The following SGCZ variants were observed in gnomAD, a reference collection of about 807,000 sequenced individuals.
SGCZ encodes the protein sarcoglycan zeta.
In SGCZ, 40 loss-of-function variants were observed where a neutral mutation model predicts 41.3. The ratio of observed to expected loss-of-function variants is 0.97; its 90% CI spans 0.75 to 1.26. The LOEUF (loss-of-function observed/expected upper bound fraction) is 1.26. Among genes scored for constraint, SGCZ ranks in the 50% most tolerant of loss-of-function variants. The pLI is 0.00. For synonymous variants in SGCZ, 206 were observed against 137.5 expected (o/e 1.50, Z -3.49); for missense variants, 552 against 369.8 (o/e 1.49, Z -4.04).
chr8:15,088,084 G>A (rs941413820), intron 1 of SGCZ, among the ~76,000 whole-genome samples: 1 of 152,056 alleles, frequency 6.6e-6, no homozygotes, highest in Non-Finnish European at 1.5e-5. Context: ...AATAGAAAAA[G>A]GATCTGAAAG....
chr8:14,767,041 T>C (rs1800058413), intron 1 of SGCZ, among the ~76,000 whole-genome samples: 1 of 148,314 alleles, frequency 6.7e-6, no homozygotes, highest in African/African-American at 2.4e-5. Context: ...GTCTACACAA[T>C]TATATAAATT....
At chr8:14,611,945 A>T (rs1276899765) in intron 1 of SGCZ, among the ~76,000 whole-genome samples, 3 of 152,208 alleles carry the variant, frequency 2.0e-5, no homozygotes, top group African/African-American at 7.2e-5. Context: ...TGATATGTAA[A>T]TATTATGTCT....
In SGCZ at chr8:14,775,682, A is replaced by C. The variant is rs147133146; in HGVS notation, c.40-220756T>G. 3.3e-3 allele frequency among the ~76,000 whole-genome samples: 498 copies of C among 152,362 alleles called. 7 individuals are homozygous for C. Among genetic ancestry groups the C allele is most frequent in the Middle Eastern group, 0.024 (7 of 294 alleles). On this transcript the variant is annotated intron_variant, in intron 1 of 7. Transcript: ENST00000382080. ...AGAGAAGTAAGTGTGGTTTGGATTT[A>C]ATTATATGCAAAATTTCAAGTGAAA... is the stretch of plus-strand genomic sequence containing the variant.
intron 1 of SGCZ, among the ~76,000 whole-genome samples, chr8:14,951,886 A>G (rs1173603678): frequency 6.6e-6 from 1 of 152,120 alleles, no homozygotes; most frequent in East Asian, 1.9e-4. Flanking sequence ...TAAAAAGGTA[A>G]CTATTTTATT....
At chr8:14,943,503 T>G (rs1438316149) in intron 1 of SGCZ, among the ~76,000 whole-genome samples, 1 of 152,172 alleles carries the variant, frequency 6.6e-6, no homozygotes, top group African/African-American at 2.4e-5. Flanking sequence ...GGAAGATAAC[T>G]AGGTGTCTCA....
At chr8:14,537,663 C>T (rs73531097) in intron 2 of SGCZ, among the ~76,000 whole-genome samples, 13,794 of 151,602 alleles carry the variant, frequency 0.091, 819 homozygotes, top group African/African-American at 0.16. Flanking sequence ...TATCTCTCAC[C>T]ATGACTTACT....
chr8:15,170,001 T>C (rs13258542), intron 1 of SGCZ, among the ~76,000 whole-genome samples: 1 of 152,226 alleles, frequency 6.6e-6, no homozygotes, highest in African/African-American at 2.4e-5. Context: ...TAAATCTTTG[T>C]GGCCAGGAAA....
At chr8:14,702,010 C>T (rs975397084) in intron 1 of SGCZ, among the ~76,000 whole-genome samples, 29 of 152,056 alleles carry the variant, frequency 1.9e-4, no homozygotes, top group African/African-American at 6.7e-4. Context: ...CATTTTTACA[C>T]GCACTGGCAC....
chr8:15,202,606 A>C (rs971558183), intron 1 of SGCZ, among the ~76,000 whole-genome samples: 1 of 152,180 alleles, frequency 6.6e-6, no homozygotes, highest in Non-Finnish European at 1.5e-5. Context: ...CAAAGAATTT[A>C]TTCATGTAAC....
At chr8:14,117,499 T>C (rs928268931) in intron 5 of SGCZ, among the ~76,000 whole-genome samples, 1 of 151,672 alleles carries the variant, frequency 6.6e-6, no homozygotes, top group African/African-American at 2.4e-5. Context: ...TGTGTGTGTA[T>C]GTGTACTGAC....
chr8:14,099,208 T>G (rs1179643206), intron 7 of SGCZ, among the ~76,000 whole-genome samples: 1 of 152,168 alleles, frequency 6.6e-6, no homozygotes, highest in African/African-American at 2.4e-5. Flanking sequence ...GCATATCTTT[T>G]TCTGTTCTGC....
At chr8:14,959,792 C>T (rs1467459426) in intron 1 of SGCZ, among the ~76,000 whole-genome samples, 1 of 152,088 alleles carries the variant, frequency 6.6e-6, no homozygotes, top group Non-Finnish European at 1.5e-5. Context: ...TATTGGTAAT[C>T]GAAATAGTCT....
intron 2 of SGCZ, among the ~76,000 whole-genome samples, chr8:14,513,497 T>C (rs12056456): frequency 0.7 from 103,681 of 147,536 alleles, 36,765 homozygotes; most frequent in South Asian, 0.78. Context: ...AATTGATTCA[T>C]AAATATTTCT....
intron 2 of SGCZ, among the ~76,000 whole-genome samples, chr8:14,426,326 G>A (rs539259496): frequency 6.6e-6 from 1 of 152,240 alleles, no homozygotes; most frequent in South Asian, 2.1e-4. Context: ...AAGGAAGCAT[G>A]TAGGGAATAT....
intron 3 of SGCZ, among the ~76,000 whole-genome samples, chr8:14,308,165 C>T (rs910710049): frequency 1.3e-4 from 20 of 152,002 alleles, no homozygotes; most frequent in African/African-American, 4.8e-4. Context: ...ATTTCAATTG[C>T]TGGACATATA....
At chr8:14,508,441 A>G (rs1041731303) in intron 2 of SGCZ, among the ~76,000 whole-genome samples, 6 of 152,188 alleles carry the variant, frequency 3.9e-5, no homozygotes, top group Admixed American at 3.9e-4. Flanking sequence ...AAGAAAGAAG[A>G]TCCACCTGCC....
intron 1 of SGCZ, among the ~76,000 whole-genome samples, chr8:14,679,626 A>T (rs986704339): frequency 5.9e-5 from 9 of 151,906 alleles, no homozygotes; most frequent in Admixed American, 5.2e-4. Flanking sequence ...GAAGAAATAT[A>T]AAGATTTATA....
chr8:14,164,298 T>C (rs1020020160), intron 5 of SGCZ, among the ~76,000 whole-genome samples: 10 of 152,120 alleles, frequency 6.6e-5, no homozygotes, highest in Admixed American at 1.3e-4. Context: ...TACTCAGAAT[T>C]TGCATTTCAT....
At chr8:14,868,838 G>C (rs776823237) in intron 1 of SGCZ, among the ~76,000 whole-genome samples, 6 of 151,974 alleles carry the variant, frequency 3.9e-5, no homozygotes, top group Admixed American at 6.6e-5. Flanking sequence ...TGAAAATCTA[G>C]AAGAAATGGA....
Sources: allele counts gnomAD v4.1 joint callset (sites outside exome capture counted in the v4.1 genomes callset), GRCh38; gene constraint gnomAD v4.1.1; transcripts MANE v1.5; gene names NCBI Gene and HGNC (gene_info 2026-07-23, HGNC 2026-07-21).